Variants in TRPS1 observed in about 807,000 individuals in gnomAD.
The protein encoded by TRPS1 is zinc finger transcription factor Trps1.
Under a neutral mutation model 101.2 loss-of-function variants are expected in TRPS1, and 6 were observed. That is an observed-to-expected ratio of 0.06 (90% CI 0.03 to 0.12). The LOEUF (loss-of-function observed/expected upper bound fraction) is 0.12. Among genes scored for constraint, TRPS1 ranks in the 10% least tolerant of loss-of-function variants. TRPS1 has a pLI of 1.00. For missense variants in TRPS1, 1,363 were observed against 1,567.0 expected, an observed-to-expected ratio of 0.87 and a Z score of 2.20; for synonymous variants, 578 against 589.8, an observed-to-expected ratio of 0.98 and a Z score of 0.29.
rs1554615622 is a variant in TRPS1, at chr8:115,409,277, A to AAAAAAAAAC, written c.*4745_*4746insGTTTTTTTT. ...ATATGTTGGGAAAAAAAAAAAAAAA[A>AAAAAAAAAC]AAAACAGGGGAAAACCAGAATTGAG... is the stretch of plus-strand genomic sequence containing the variant. On this transcript the variant is annotated 3_prime_UTR_variant, in exon 7 of 7. Coordinates refer to ENST00000395715, the MANE Select transcript of TRPS1 (RefSeq NM_014112.5). 1 of 149,828 alleles carries AAAAAAAAAC rather than the reference A, an allele frequency of 6.7e-6. No homozygotes were observed. Among genetic ancestry groups the AAAAAAAAAC allele is most frequent in the African/African-American group, 2.4e-5 (1 of 41,052 alleles). 9.3% of individuals were successfully genotyped at this position (149,828 alleles called of 1,614,324 possible). A position where few individuals can be genotyped will look rare whatever the true frequency, so the allele number is the denominator to read the frequency against.
At chr8:115,661,959 C>T (rs1811808408) in intron 1 of TRPS1, among the ~76,000 whole-genome samples, 1 of 151,814 alleles carries the variant, frequency 6.6e-6, no homozygotes, top group Non-Finnish European at 1.5e-5. Context: ...CAGATGCAGC[C>T]ATAACATGAA....
At chr8:115,620,763 G>A (rs1818375953) in intron 2 of TRPS1, among the ~76,000 whole-genome samples, 1 of 152,222 alleles carries the variant, frequency 6.6e-6, no homozygotes. Flanking sequence ...TTGCCTGAAA[G>A]TCAGAAGAAA....
intron 5 of TRPS1, among the ~76,000 whole-genome samples, chr8:115,459,324 A>AAAT (rs61516910): frequency 0.014 from 2,162 of 149,912 alleles, 41 homozygotes; most frequent in South Asian, 0.047. Flanking sequence ...ACTCTGTCTC[A>AAAT]AATAATAATA....
chr8:115,668,065 C>T (rs1291165274), intron 1 of TRPS1: 1 of 647,896 alleles, frequency 1.5e-6, no homozygotes, highest in Non-Finnish European at 2.6e-6. Flanking sequence ...GAGGGGGCAC[C>T]GGCCTGAAAC....
chr8:115,642,973 A>G (rs1302880799), intron 1 of TRPS1, among the ~76,000 whole-genome samples: 3 of 151,968 alleles, frequency 2.0e-5, no homozygotes, highest in Non-Finnish European at 4.4e-5. Context: ...ATTGCAATAA[A>G]GCAAGTCACA....
intron 4 of TRPS1, among the ~76,000 whole-genome samples, chr8:115,596,336 ATCAT>A (rs1178401046): frequency 1.3e-5 from 2 of 151,906 alleles, no homozygotes; most frequent in Non-Finnish European, 2.9e-5. Flanking sequence ...AGTGAGATTG[ATCAT>A]TCATTCATAT....
chr8:115,637,891 G>A (rs573690062), intron 1 of TRPS1, among the ~76,000 whole-genome samples: 4 of 152,168 alleles, frequency 2.6e-5, no homozygotes, highest in Non-Finnish European at 5.9e-5. Context: ...TGTACTTAGT[G>A]TTTTATTCTA....
At chr8:115,628,632 A>T (rs1426881552) in intron 1 of TRPS1, among the ~76,000 whole-genome samples, 1 of 151,894 alleles carries the variant, frequency 6.6e-6, no homozygotes, top group African/African-American at 2.4e-5. Context: ...TCCGTTCATA[A>T]TTTGGAGTTG....
intron 5 of TRPS1, among the ~76,000 whole-genome samples, chr8:115,472,287 C>T (rs189490748): frequency 2.6e-5 from 4 of 152,306 alleles, no homozygotes; most frequent in East Asian, 1.9e-4. Flanking sequence ...GGCCCAACAC[C>T]ACGTGGAAGC....
At chr8:115,607,669 T>C (rs550533963) in intron 3 of TRPS1, among the ~76,000 whole-genome samples, 27 of 151,700 alleles carry the variant, frequency 1.8e-4, no homozygotes, top group Admixed American at 1.8e-3. Flanking sequence ...TAGTATTATA[T>C]ATTATTAAAA....
At chr8:115,478,874 G>T (rs1445313207) in intron 5 of TRPS1, among the ~76,000 whole-genome samples, 1 of 144,446 alleles carries the variant, frequency 6.9e-6, no homozygotes, top group African/African-American at 2.5e-5. Context: ...TATATGTGTA[G>T]ATGTGTATAT....
intron 5 of TRPS1, among the ~76,000 whole-genome samples, chr8:115,513,247 A>G (rs1415521999): frequency 2.0e-5 from 3 of 151,754 alleles, no homozygotes; most frequent in African/African-American, 4.8e-5. Flanking sequence ...ACCAATGTCA[A>G]CAAAATCCCA....
chr8:115,651,661 A>G (rs1287627360), intron 1 of TRPS1, among the ~76,000 whole-genome samples: 1 of 152,208 alleles, frequency 6.6e-6, no homozygotes, highest in Admixed American at 6.5e-5. Flanking sequence ...CATAAACAGG[A>G]GCACAAGGCG....
chr8:115,550,323 T>C lies in TRPS1; in HGVS notation c.2700+36678A>G, dbSNP rs1214954930. 2.0e-5 allele frequency among the ~76,000 whole-genome samples: 3 copies of C among 152,160 alleles called. 1 individual carries two copies. The highest frequency in any genetic ancestry group is 4.1e-4 in the South Asian group (2 of 4,828). On this transcript the variant is annotated intron_variant, in intron 5 of 6. Coordinates refer to ENST00000395715, the MANE Select transcript of TRPS1 (RefSeq NM_014112.5). ...AAAGAGGGGCAGCTGTGGGCTATGA[T>C]GCCAAAGCATTCCAGCTCTTAAGTC...
At chr8:115,602,179 G>A (rs1156452226) in intron 4 of TRPS1, among the ~76,000 whole-genome samples, 1 of 152,002 alleles carries the variant, frequency 6.6e-6, no homozygotes, top group Admixed American at 6.6e-5. Context: ...ATACGTGGGT[G>A]TGCAGGTCCA....
At chr8:115,665,509 T>C (rs1281352315) in intron 1 of TRPS1, among the ~76,000 whole-genome samples, 6 of 152,208 alleles carry the variant, frequency 3.9e-5, no homozygotes, top group African/African-American at 7.2e-5. Flanking sequence ...AAGAGATCTA[T>C]ATGATGTAAA....
At chr8:115,490,460 G>C (rs1371776142) in intron 5 of TRPS1, among the ~76,000 whole-genome samples, 1 of 152,050 alleles carries the variant, frequency 6.6e-6, no homozygotes, top group Non-Finnish European at 1.5e-5. Flanking sequence ...AATTTTGCAT[G>C]CTTGCAAAAA....
At chr8:115,442,669 T>C (rs1813631215) in intron 5 of TRPS1, among the ~76,000 whole-genome samples, 1 of 151,446 alleles carries the variant, frequency 6.6e-6, no homozygotes, top group Non-Finnish European at 1.5e-5. Flanking sequence ...CATTTAAAAA[T>C]TGGGTGATTT....
intron 5 of TRPS1, among the ~76,000 whole-genome samples, chr8:115,462,641 C>CTCT (rs1554538728): frequency 1.1e-4 from 7 of 62,942 alleles, no homozygotes; most frequent in Non-Finnish European, 2.0e-4. Context: ...CTCTCTCTCT[C>CTCT]TTTTTTTTTT....
Sources: gnomAD v4.1 joint callset for allele counts (sites outside exome capture counted in the v4.1 genomes callset) on GRCh38, gnomAD v4.1.1 for gene constraint, MANE v1.5 for transcripts, NCBI Gene and HGNC (gene_info 2026-07-23, HGNC 2026-07-21) for gene names.